THBS3: variants seen among roughly 807,000 people sequenced by gnomAD.
The protein encoded by THBS3 is thrombospondin-3.
In THBS3, 78 loss-of-function variants were observed where a neutral mutation model predicts 118.3. The observed-to-expected ratio is 0.66, with a 90% CI of 0.55 to 0.80. The LOEUF (loss-of-function observed/expected upper bound fraction) is 0.80, where lower values mean the gene tolerates loss of function less well. Among genes scored for constraint, THBS3 ranks in the 30% least tolerant of loss-of-function variants. The pLI, the probability that THBS3 is intolerant of heterozygous loss-of-function variation, is 0.00. For missense variants in THBS3, 1,057 were observed against 1,247.4 expected, an observed-to-expected ratio of 0.85 and a Z score of 2.30; for synonymous variants, 427 against 475.3, an observed-to-expected ratio of 0.90 and a Z score of 1.32.
Position 155,199,838 on chromosome 1 carries a change from G to C in THBS3, c.1846C>G (p.Leu616Val). 1 of 1,614,210 alleles carries C rather than the reference G, an allele frequency of 6.2e-7. No individual in the cohort carries two copies. Among genetic ancestry groups the C allele is most frequent in the South Asian group, 1.1e-5 (1 of 91,092 alleles). ...NPTQTDADSD[L>V]VGDVCDTNED... ...TTAGTATCACAGACATCCCCCACCAGGTCGCTGTCTGCATCTGTCTGAGAG... is the reference window on the plus strand; with the variant it reads ...TTAGTATCACAGACATCCCCCACCACGTCGCTGTCTGCATCTGTCTGAGAG... The change falls in exon 16 of 23, where the codon CTG (leucine) becomes GTG (valine). Residue 616 changes from leucine to valine, a missense_variant. Leu to Val is a conservative substitution (Grantham distance 32). This residue lies in a region of THBS3 where 544 missense variants were observed against 715.6 expected (regional missense o/e 0.76). Transcript: ENST00000368378.
chr1:155,208,727 G>A, upstream of THBS3: 3 of 665,134 alleles, frequency 4.5e-6, no homozygotes, highest in South Asian at 5.6e-5. Flanking sequence ...CGCTCCGGCC[G>A]CCGCCACCGC....
At chr1:155,201,033 G>C in intron 12 of THBS3, 29 bp from the exon 13 acceptor site, 3 of 1,614,250 alleles carry the variant, frequency 1.9e-6, no homozygotes, top group Non-Finnish European at 2.5e-6. Context: ...GGATGGATGA[G>C]TTCTGGCCTG....
chr1:155,197,044 A>G lies in THBS3; in HGVS notation c.2669T>C (p.Ile890Thr), dbSNP rs1668793439. Residue 890 changes from isoleucine to threonine, a missense_variant, in exon 21 of 23, where the codon ATT becomes ACT. Transcript: ENST00000368378. This position sits in a 1 kb window ranked among gnomAD's most constrained non-coding sequence, Gnocchi z 5.0. ...QLLHRPQVGY[I>T]RVKLYEGPQL... Reference sequence around the variant, plus strand: ...TGGGCTCAGCCCCTCTCCTTACCGAATGTAGCCAACTTGAGGCCGGTGCAG... The same window carrying G: ...TGGGCTCAGCCCCTCTCCTTACCGAGTGTAGCCAACTTGAGGCCGGTGCAG... The G allele has an allele frequency of 1.2e-6, 2 of 1,613,446 alleles. No homozygotes were observed. The highest frequency in any genetic ancestry group is 1.7e-6 in the Non-Finnish European group (2 of 1,179,568).
At chr1:155,203,181 C>G in intron 6 of THBS3, 42 bp downstream of exon 6, 1 of 1,614,196 alleles carries the variant, frequency 6.2e-7, no homozygotes. Context: ...ATCTGCCACC[C>G]TACCCCAGAA....
chr1:155,197,820 C>T lies in THBS3; in HGVS notation c.2302+60G>A, dbSNP rs1668942255. On this transcript the variant is annotated intron_variant, in intron 19 of 22. Transcript: ENST00000368378. This position sits in a 1 kb window ranked among gnomAD's most constrained non-coding sequence, Gnocchi z 5.0. ...TCTCCCTGTCTGTTTCCTCCCCTAC[C>T]CTCTGCCCCTATAGGATTCCTCCAT... is the stretch of plus-strand genomic sequence containing the variant. The T allele has an allele frequency of 1.9e-6, 3 of 1,611,248 alleles. No homozygotes were observed. Among genetic ancestry groups the T allele is most frequent in the East Asian group, 2.2e-5 (1 of 44,866 alleles).
chr1:155,203,369 A>C, intron 5 of THBS3, 64 bp from the exon 6 acceptor site: 3 of 1,598,682 alleles, frequency 1.9e-6, no homozygotes, highest in Non-Finnish European at 2.6e-6. Flanking sequence ...CTCCATGGGC[A>C]ATAAGCCAGT....
At chr1:155,205,418 A>G in intron 2 of THBS3, 102 bp from the exon 3 acceptor site, 1 of 1,465,664 alleles carries the variant, frequency 6.8e-7, no homozygotes, top group Non-Finnish European at 9.2e-7. Flanking sequence ...TAGGGCCCCT[A>G]TCCCTAATTC....
upstream of THBS3, chr1:155,208,769 C>T (rs375103223): frequency 2.3e-5 from 34 of 1,453,982 alleles, no homozygotes; most frequent in Non-Finnish European, 3.0e-5. Flanking sequence ...ACAGGCGGCG[C>T]AGGGCCCGCT....
rs533928480 is a variant in THBS3 at position 155,200,169 on chromosome 1, T to C, written c.1709-56A>G. 5.0e-5 allele frequency: 73 copies of C among 1,457,814 alleles called. 1 individual carries two copies. In the South Asian group the frequency reaches 8.5e-4, roughly 17 times the overall value. 90.3% of individuals were successfully genotyped at this position (1,457,814 alleles called of 1,614,324 possible). A position where few individuals can be genotyped will look rare whatever the true frequency, so the allele number is the denominator to read the frequency against. On this transcript the variant is annotated intron_variant, in intron 14 of 22. Coordinates refer to ENST00000368378, the MANE Select transcript of THBS3 (RefSeq NM_007112.5). Reference sequence around the variant, plus strand: ...CTAGAACATGCCATATTCTCTCTTCTAGGTTGGTGAAAGTCCCGAACTTTG... The same window carrying C: ...CTAGAACATGCCATATTCTCTCTTCCAGGTTGGTGAAAGTCCCGAACTTTG...
chr1:155,201,328 T>G, intron 11 of THBS3, 89 bp downstream of exon 11: 1 of 1,571,728 alleles, frequency 6.4e-7, no homozygotes, highest in South Asian at 1.2e-5. Context: ...ACCTCTCTCC[T>G]ATGAAGACCC....
chr1:155,199,736 CAG>C (rs2147944254), intron 16 of THBS3, 66 bp downstream of exon 16: 3 of 1,571,018 alleles, frequency 1.9e-6, no homozygotes, highest in Admixed American at 1.7e-5. Flanking sequence ...GCCTAGGTGA[CAG>C]AGCAAGACTC....
Position 155,203,218 on chromosome 1 carries a change from C to T in THBS3, c.756+5G>A. ...CAGTGCCACCCTTCGCCAGCCCACC[C>T]AAACCTGGTCTCGTATATCATCCCG... is the stretch of plus-strand genomic sequence containing the variant. On this transcript the variant is annotated splice_donor_5th_base_variant and intron_variant, in intron 6 of 22. Transcript: ENST00000368378. 1 of 1,614,194 alleles carries T rather than the reference C, an allele frequency of 6.2e-7. No individual in the cohort carries two copies. The highest frequency in any genetic ancestry group is 1.1e-5 in the South Asian group (1 of 91,078).
At chr1:155,209,132 C>A (rs746453727), upstream of THBS3, 162 of 1,540,678 alleles carry the variant, frequency 1.1e-4, 1 homozygote, top group Admixed American at 8.5e-4. Flanking sequence ...CCTCGCCTCC[C>A]CGGGGATCTC....
In THBS3 at chr1:155,202,527, G is replaced by C; in HGVS notation, c.958-126C>G. On this transcript the variant is annotated intron_variant, in intron 8 of 22. Transcript: ENST00000368378. This position sits in a 1 kb window ranked among gnomAD's most constrained non-coding sequence, Gnocchi z 5.5. The stretch of plus-strand genomic sequence containing the variant: ...AGCTCTCCCCACACAACTGCCTTGT[G>C]CTCCTGGTCCCCACCCCACTTCCCT... 1 of 1,369,578 alleles carries C rather than the reference G, an allele frequency of 7.3e-7. No homozygotes were observed. The highest frequency in any genetic ancestry group is 9.8e-7 in the Non-Finnish European group (1 of 1,021,076). 84.8% of individuals were successfully genotyped at this position (1,369,578 alleles called of 1,614,324 possible). A position where few individuals can be genotyped will look rare whatever the true frequency, so the allele number is the denominator to read the frequency against.
In THBS3 at chr1:155,202,706, C is replaced by T; in HGVS notation, c.957+106G>A. 6.8e-7 allele frequency: 1 copy of T among 1,474,430 alleles called. No homozygotes were observed. Among genetic ancestry groups the T allele is most frequent in the South Asian group, 1.3e-5 (1 of 74,136 alleles). The allele number at this position is 1,474,430 out of a possible 1,614,324, so 91.3% of individuals were successfully genotyped here. ...TCTCTTGCCTCTGACCTCTCCTAAA[C>T]TCCAGATTCCTCTCCTCCGGACCAG... On this transcript the variant is annotated intron_variant, in intron 8 of 22. Transcript: ENST00000368378. This position sits in a 1 kb window ranked among gnomAD's most constrained non-coding sequence, Gnocchi z 5.5.
At chr1:155,199,678 C>G (rs905426160) in intron 16 of THBS3, 126 bp downstream of exon 16, 3 of 933,224 alleles carry the variant, frequency 3.2e-6, no homozygotes, top group Non-Finnish European at 4.9e-6. Context: ...TCACTTGACC[C>G]TGGGAGACGG....
rs769646561 is a variant in THBS3 at position 155,197,923 on chromosome 1, C to T, written c.2259G>A (p.Met753Ile). Residue 753 changes from methionine to isoleucine, a missense_variant, in exon 19 of 23, where the codon ATG (methionine) becomes ATA (isoleucine). This residue lies in a region of THBS3 where 307 missense variants were observed against 326.1 expected (regional missense o/e 0.94). Coordinates refer to ENST00000368378, the MANE Select transcript of THBS3 (RefSeq NM_007112.5). The surrounding 1 kb of genome is among the most constrained non-coding windows in gnomAD (Gnocchi z 5.0). Reference protein sequence around the residue: ...DPNWVVLNQGMEIVQTMNSDP... With the variant: ...DPNWVVLNQGIEIVQTMNSDP... ...CACTGTTCATGGTCTGAACGATTTCCATGCCCTGGGGTTGTATAGTAAAGA... is the reference window on the plus strand; with the variant it reads ...CACTGTTCATGGTCTGAACGATTTCTATGCCCTGGGGTTGTATAGTAAAGA... 4 of 1,613,882 alleles carry T rather than the reference C, an allele frequency of 2.5e-6. No individual in the cohort carries two copies. The highest frequency in any genetic ancestry group is 3.4e-6 in the Non-Finnish European group (4 of 1,179,966).
chr1:155,198,246 A>G (rs774958173), intron 17 of THBS3, 26 bp from the exon 18 acceptor site: 1 of 1,612,596 alleles, frequency 6.2e-7, no homozygotes, highest in South Asian at 1.1e-5. Flanking sequence ...CTGGGTGCTC[A>G]GGAAGGCCCT....
chr1:155,204,928 C>A lies in THBS3; in HGVS notation c.573G>T (p.Leu191=). The A allele has an allele frequency of 6.2e-7, 1 of 1,613,998 alleles. No homozygotes were observed. The change falls in exon 4 of 23, where the codon CTG becomes CTT. Residue 191 remains leucine, a synonymous_variant. Coordinates refer to ENST00000368378, the MANE Select transcript of THBS3 (RefSeq NM_007112.5). The part of the protein sequence containing the change: ...QGFVESMKII[L]GGSMARVGAL... Reference sequence around the variant, plus strand: ...CTCCTACCCGGGCCATGGACCCACCCAGAATAATTTTCATAGATTCCACAA... The same window carrying A: ...CTCCTACCCGGGCCATGGACCCACCAAGAATAATTTTCATAGATTCCACAA...
Sources: gnomAD v4.1 joint callset for allele counts on GRCh38, gnomAD v4.1.1 for gene constraint, gnomAD v4.1.1 regional missense constraint, Gnocchi (gnomAD v3.1) non-coding constraint, MANE v1.5 for transcripts, NCBI Gene and HGNC (gene_info 2026-07-23, HGNC 2026-07-21) for gene names.